The following TNS1 variants were observed in gnomAD, a reference collection of about 807,000 sequenced individuals.
TNS1 encodes the protein tensin 1.
Under a neutral mutation model 168.6 loss-of-function variants are expected in TNS1, and 62 were observed. The observed-to-expected ratio is 0.37, with a 90% CI of 0.30 to 0.45. The LOEUF (loss-of-function observed/expected upper bound fraction) is 0.45, where lower values mean the gene tolerates loss of function less well. Among genes scored for constraint, TNS1 ranks in the 20% least tolerant of loss-of-function variants. TNS1 has a pLI of 1.00. For missense variants in TNS1, 2,240 were observed against 2,339.4 expected (o/e 0.96, Z 0.88); for synonymous variants, 934 against 933.2 (o/e 1.00, Z -0.02).
chr2:217,991,265 G>T (rs576257360), intron 1 of TNS1, among the ~76,000 whole-genome samples: 2 of 152,280 alleles, frequency 1.3e-5, no homozygotes, highest in South Asian at 4.1e-4. Flanking sequence ...CCCATGGCCT[G>T]AGTCCAGACG....
intron 2 of TNS1, among the ~76,000 whole-genome samples, chr2:217,984,447 A>G (rs772341337): frequency 1.2e-4 from 18 of 152,124 alleles, no homozygotes; most frequent in Admixed American, 4.6e-4. Flanking sequence ...AGGGGGGCAC[A>G]TAAGATGGTT....
At chr2:217,936,918 G>C (rs190575494) in intron 3 of TNS1, 2 of 456,676 alleles carry the variant, frequency 4.4e-6, no homozygotes, top group East Asian at 1.4e-4. Context: ...AGACACTAAG[G>C]CTCAGACCCA....
At chr2:217,942,282 G>C (rs1051626796) in intron 3 of TNS1, among the ~76,000 whole-genome samples, 11 of 152,148 alleles carry the variant, frequency 7.2e-5, no homozygotes, top group Admixed American at 7.2e-4. Flanking sequence ...TGCTCGGCCG[G>C]ACTGGCCGAG....
rs182868457 is a variant in TNS1, at chr2:217,901,060, G to A, written c.322-548C>T. On this transcript the variant is annotated intron_variant, in intron 6 of 32. Coordinates refer to ENST00000682258, the MANE Select transcript of TNS1 (RefSeq NM_001387777.1). ...GACGAGGCCTAAGACAGTGAGCCAT[G>A]CTCCTGAGGGCCCACTCCCCACTGT... Among the ~76,000 whole-genome samples the A allele has an allele frequency of 4.0e-3, 615 of 152,230 alleles. 8 individuals carry two copies. Among genetic ancestry groups the A allele is most frequent in the African/African-American group, 0.014 (573 of 41,522 alleles).
intron 1 of TNS1, among the ~76,000 whole-genome samples, chr2:218,001,546 T>C (rs1380253422): frequency 1.3e-5 from 2 of 152,170 alleles, no homozygotes; most frequent in Non-Finnish European, 2.9e-5. Flanking sequence ...CCCTCCTGCC[T>C]ACCTCTGTCC....
intron 3 of TNS1, among the ~76,000 whole-genome samples, chr2:217,920,563 ATTT>A (rs35026780): frequency 4.9e-4 from 67 of 135,876 alleles, no homozygotes; most frequent in East Asian, 2.9e-3. Context: ...AAGAAGAAGG[ATTT>A]TTTTTTTTTT....
At chr2:217,861,400 C>T (rs1428641282) in intron 18 of TNS1, among the ~76,000 whole-genome samples, 1 of 152,200 alleles carries the variant, frequency 6.6e-6, no homozygotes, top group Non-Finnish European at 1.5e-5. Flanking sequence ...CACTTGCTTC[C>T]AGTCGTTCTT....
chr2:217,947,520 G>C (rs928654814), intron 3 of TNS1, among the ~76,000 whole-genome samples: 6 of 152,194 alleles, frequency 3.9e-5, no homozygotes, highest in African/African-American at 7.2e-5. Flanking sequence ...AAGGAGGAAA[G>C]AGATGGAGCT....
rs747092969 is a variant in TNS1 at position 217,847,859 on chromosome 2, C to T, written c.2658G>A (p.Gln886=). The T allele has an allele frequency of 2.5e-6, 4 of 1,582,022 alleles. No individual in the cohort carries two copies. The highest frequency in any genetic ancestry group is 3.5e-6 in the Non-Finnish European group (4 of 1,155,078). The change falls in exon 19 of 33, where the codon CAG becomes CAA. Residue 886 remains glutamine, a synonymous_variant. Coordinates refer to ENST00000682258, the MANE Select transcript of TNS1 (RefSeq NM_001387777.1). The part of the protein sequence containing the change: ...GSSRQSHPLT[Q]SRSGYIPSGH... ...CACTGGGGATATAGCCAGATCTGGA[C>T]TGGGTCAGTGGATGGGACTGACGGG...
Position 217,886,122 on chromosome 2 carries a change from G to C in TNS1, c.980-18C>G. On this transcript the variant is annotated intron_variant, in intron 13 of 32. Transcript: ENST00000682258. ...CCGACATCCTGTAAAAGTGGGGTGG[G>C]TGTTAGCTAAGACAGCAGAAACTGG... is the stretch of plus-strand genomic sequence containing the variant. The C allele has an allele frequency of 6.2e-7, 1 of 1,613,912 alleles. No individual in the cohort carries two copies. The highest frequency in any genetic ancestry group is 8.5e-7 in the Non-Finnish European group (1 of 1,179,934).
upstream of TNS1, among the ~76,000 whole-genome samples, chr2:218,011,556 G>T (rs923063955): frequency 6.6e-6 from 1 of 152,114 alleles, no homozygotes; most frequent in African/African-American, 2.4e-5. Context: ...CCATCTCAGG[G>T]CCATTTTTCC....
chr2:217,884,143 GTGGGTGGATGGATGGA>G (rs1559296761), intron 16 of TNS1, among the ~76,000 whole-genome samples: 1 of 71,554 alleles, frequency 1.4e-5, no homozygotes, highest in African/African-American at 7.6e-5. Context: ...GGGTGGGTGG[GTGGGTGGATGGATGGA>G]TGGATGGATG....
At chr2:218,011,253 G>T (rs945581529), upstream of TNS1, among the ~76,000 whole-genome samples, 2 of 152,194 alleles carry the variant, frequency 1.3e-5, no homozygotes, top group African/African-American at 2.4e-5. Flanking sequence ...TAGGGAGAGG[G>T]AAGGAAAAAG....
upstream of TNS1, among the ~76,000 whole-genome samples, chr2:218,012,306 AT>A (rs1214045834): frequency 3.9e-5 from 6 of 152,244 alleles, no homozygotes; most frequent in Admixed American, 3.9e-4. Flanking sequence ...CCCTGCCTAG[AT>A]TAAGAGAGGA....
chr2:217,831,479 C>G lies in TNS1; in HGVS notation c.3349G>C (p.Asp1117His), dbSNP rs1419142046. 2.5e-6 allele frequency: 4 copies of G among 1,590,288 alleles called. No individual in the cohort carries two copies. The highest frequency in any genetic ancestry group is 3.4e-6 in the Non-Finnish European group (4 of 1,169,040). ...CCTCCTGTGGGGTGCAACAGGATGT[C>G]CGCTGGGTTGTGAGGTTTCAGGCCC... Reference protein sequence around the residue: ...ALGLKPHNPADILLHPTGEPR... With the variant: ...ALGLKPHNPAHILLHPTGEPR... The change falls in exon 22 of 33, where the codon GAC becomes CAC. Residue 1117 changes from aspartate (D) to histidine (H), a missense_variant. By Grantham distance (81) the Asp-to-His change is moderately conservative (BLOSUM62 -1). Transcript: ENST00000682258.
intron 6 of TNS1, among the ~76,000 whole-genome samples, chr2:217,904,203 A>AT (rs1559333598): frequency 6.6e-6 from 1 of 151,920 alleles, no homozygotes; most frequent in East Asian, 1.9e-4. Flanking sequence ...ACTAGCCTGG[A>AT]TTTTTCCAAA....
intron 3 of TNS1, among the ~76,000 whole-genome samples, chr2:217,947,245 T>C (rs1305873697): frequency 6.7e-6 from 1 of 150,166 alleles, no homozygotes; most frequent in Non-Finnish European, 1.5e-5. Context: ...GGGTTTCTCA[T>C]AAAACTGAAT....
rs577183226 is a variant in TNS1, at chr2:217,900,724, G to A, written c.322-212C>T. 1.2e-4 allele frequency: 68 copies of A among 586,628 alleles called. No individual in the cohort carries two copies. The African/African-American group carries it at 1.2e-3, about 10-fold the overall frequency. The allele number at this position is 586,628 out of a possible 1,614,324, so 36.3% of individuals were successfully genotyped here. ...CGTGAGTGTGCCTGCCTGTGTGCAA[G>A]CCCCAGAGGGACAAAAGGAAGAATC... On this transcript the variant is annotated intron_variant, in intron 6 of 32. Transcript: ENST00000682258.
Position 217,880,852 on chromosome 2 carries a change from G to T in TNS1, c.1429+46C>A. On this transcript the variant is annotated intron_variant, in intron 18 of 32. Coordinates refer to ENST00000682258, the MANE Select transcript of TNS1 (RefSeq NM_001387777.1). The surrounding 1 kb of genome is among the most constrained non-coding windows in gnomAD (Gnocchi z 4.2). ...GAGAAGCAAGGTCATGTGAGCAGAG[G>T]CTGTGCAGTTTGGATAGGGGCTGGG... 1.4e-6 allele frequency: 2 copies of T among 1,396,258 alleles called. No homozygotes were observed. Among genetic ancestry groups the T allele is most frequent in the Non-Finnish European group, 2.0e-6 (2 of 981,636 alleles). The allele number at this position is 1,396,258 out of a possible 1,614,324, so 86.5% of individuals were successfully genotyped here.
Sources: gnomAD v4.1 joint callset for allele counts (sites outside exome capture counted in the v4.1 genomes callset) on GRCh38, gnomAD v4.1.1 for gene constraint, Gnocchi (gnomAD v3.1) non-coding constraint, MANE v1.5 for transcripts, NCBI Gene and HGNC (gene_info 2026-07-23, HGNC 2026-07-21) for gene names.